Variants in CAMK4 observed in about 807,000 individuals in gnomAD.
CAMK4 encodes the protein calcium/calmodulin-dependent protein kinase type IV.
A neutral mutation model predicts 44.9 loss-of-function variants in CAMK4; 22 were observed. The observed-to-expected ratio is 0.49, with a 90% CI of 0.35 to 0.70. CAMK4 has a LOEUF of 0.70. CAMK4 is among the 30% of genes least tolerant of loss of function. CAMK4 has a pLI of 0.01. For synonymous variants in CAMK4, 218 were observed against 215.4 expected (o/e 1.01, Z -0.11); for missense variants, 498 against 586.8 (o/e 0.85, Z 1.56).
chr5:111,433,892 A>C (rs1381199275), intron 5 of CAMK4, among the ~76,000 whole-genome samples: 1 of 152,222 alleles, frequency 6.6e-6, no homozygotes, highest in Non-Finnish European at 1.5e-5. Flanking sequence ...GCTTATAGCT[A>C]GTGATTTCAA....
intron 1 of CAMK4, among the ~76,000 whole-genome samples, chr5:111,261,281 G>A (rs1361671746): frequency 2.6e-5 from 4 of 152,054 alleles, no homozygotes; most frequent in African/African-American, 7.3e-5. Flanking sequence ...AGCCTCTGTC[G>A]TCTTCCATCT....
At chr5:111,368,108 G>A (rs1251822029) in intron 2 of CAMK4, among the ~76,000 whole-genome samples, 1 of 151,966 alleles carries the variant, frequency 6.6e-6, no homozygotes, top group African/African-American at 2.4e-5. Flanking sequence ...TATATTTATT[G>A]TAAATTGTTA....
At chr5:111,411,768 T>C (rs1752640815) in intron 5 of CAMK4, among the ~76,000 whole-genome samples, 1 of 152,236 alleles carries the variant, frequency 6.6e-6, no homozygotes, top group Admixed American at 6.5e-5. Context: ...AATCCCTTTT[T>C]AATTAAGTTT....
chr5:111,274,013 G>A (rs1245177557), intron 1 of CAMK4, among the ~76,000 whole-genome samples: 1 of 151,886 alleles, frequency 6.6e-6, no homozygotes, highest in Non-Finnish European at 1.5e-5. Flanking sequence ...CATCTATGGA[G>A]TATGGCCACC....
intron 7 of CAMK4, among the ~76,000 whole-genome samples, chr5:111,470,668 T>C (rs191780451): frequency 1.3e-5 from 2 of 152,312 alleles, no homozygotes; most frequent in Admixed American, 1.3e-4. Context: ...AAGTGTTCCT[T>C]ATAGAAATTT....
At chr5:111,367,405 A>C (rs1199491843) in intron 2 of CAMK4, among the ~76,000 whole-genome samples, 1 of 151,966 alleles carries the variant, frequency 6.6e-6, no homozygotes, top group Non-Finnish European at 1.5e-5. Context: ...TACTGATACA[A>C]TGGCAATTAA....
At chr5:111,358,722 A>T (rs489931) in intron 2 of CAMK4, among the ~76,000 whole-genome samples, 1 of 151,872 alleles carries the variant, frequency 6.6e-6, no homozygotes, top group East Asian at 1.9e-4. Context: ...CTCTCCTCCC[A>T]CCCTTCACCT....
chr5:111,443,539 T>A (rs1442000161), intron 5 of CAMK4, among the ~76,000 whole-genome samples: 1 of 151,848 alleles, frequency 6.6e-6, no homozygotes, highest in Non-Finnish European at 1.5e-5. Context: ...AGTATTTTTC[T>A]CTAAACTTTC....
Position 111,336,891 on chromosome 5 carries a change from A to G in CAMK4, c.162-7133A>G, listed in dbSNP as rs80006647. 8.2e-3 allele frequency among the ~76,000 whole-genome samples: 1,239 copies of G among 151,216 alleles called. 20 individuals are homozygous for G. Among genetic ancestry groups the G allele is most frequent in the African/African-American group, 0.028 (1,172 of 41,412 alleles). On this transcript the variant is annotated intron_variant, in intron 1 of 10. Transcript: ENST00000282356. ...TAGAATGGGTTGAATGCTATAAGCCACATTTTGGTAATGTGGTTTTTAATA... is the reference window on the plus strand; with the variant it reads ...TAGAATGGGTTGAATGCTATAAGCCGCATTTTGGTAATGTGGTTTTTAATA...
At chr5:111,362,117 C>CAT (rs1303847508) in intron 2 of CAMK4, among the ~76,000 whole-genome samples, 1 of 151,996 alleles carries the variant, frequency 6.6e-6, no homozygotes, top group Non-Finnish European at 1.5e-5. Context: ...AAATTTCACA[C>CAT]ATACTCTTAT....
At chr5:111,480,288 A>ACACACACACACACACACACACACC (rs1364533152) in intron 9 of CAMK4, among the ~76,000 whole-genome samples, 2 of 145,116 alleles carry the variant, frequency 1.4e-5, no homozygotes, top group African/African-American at 5.2e-5. Flanking sequence ...ACACACACAC[A>ACACACACACACACACACACACACC]CCCCTGGGTA....
chr5:111,466,544 T>A (rs1047018784), intron 7 of CAMK4, among the ~76,000 whole-genome samples: 1 of 152,200 alleles, frequency 6.6e-6, no homozygotes, highest in African/African-American at 2.4e-5. Flanking sequence ...AGCTCTGCGA[T>A]ACACCAACAG....
intron 2 of CAMK4, among the ~76,000 whole-genome samples, chr5:111,365,521 TAA>T (rs67230832): frequency 0.93 from 140,984 of 152,050 alleles, 65,517 homozygotes; most frequent in East Asian, 1. Flanking sequence ...TAGGAATGTG[TAA>T]TAGTGAAAGG....
intron 7 of CAMK4, among the ~76,000 whole-genome samples, chr5:111,453,938 A>G (rs1310814324): frequency 6.6e-6 from 1 of 151,538 alleles, no homozygotes; most frequent in South Asian, 2.1e-4. Context: ...TGTGTAGGTC[A>G]GATGGATGAG....
intron 1 of CAMK4, among the ~76,000 whole-genome samples, chr5:111,327,369 T>C (rs894605691): frequency 1.4e-4 from 21 of 151,784 alleles, no homozygotes; most frequent in Non-Finnish European, 2.5e-4. Flanking sequence ...TAGTATTCCA[T>C]GGTGTATATG....
At chr5:111,373,426 A>G (rs1269054467) in intron 2 of CAMK4, among the ~76,000 whole-genome samples, 1 of 33,864 alleles carries the variant, frequency 3.0e-5, no homozygotes, top group Non-Finnish European at 7.0e-5. Context: ...ATAAATGTAA[A>G]ATATATTTAT....
rs1749696055 is a variant in CAMK4, at chr5:111,255,371, A to T, written c.161+30727A>T. 2.6e-5 allele frequency among the ~76,000 whole-genome samples: 4 copies of T among 152,188 alleles called. No homozygotes were observed. The South Asian group carries it at 8.3e-4, about 32-fold the overall frequency. On this transcript the variant is annotated intron_variant, in intron 1 of 10. Coordinates refer to ENST00000282356, the MANE Select transcript of CAMK4 (RefSeq NM_001744.6). The stretch of plus-strand genomic sequence containing the variant: ...TTACAAACAGAAAGTGTTTTCAGTG[A>T]TCTTTATGATAATCTGAGTGGGTTT...
chr5:111,329,244 A>G (rs1015471491), intron 1 of CAMK4, among the ~76,000 whole-genome samples: 3 of 151,970 alleles, frequency 2.0e-5, no homozygotes, highest in Admixed American at 1.3e-4. Context: ...AATAAGAGCT[A>G]TCTATGAGAA....
chr5:111,276,854 A>T (rs973666730), intron 1 of CAMK4, among the ~76,000 whole-genome samples: 7 of 152,200 alleles, frequency 4.6e-5, no homozygotes, highest in African/African-American at 1.4e-4. Context: ...AAAAATTTTT[A>T]AAAATATGAT....
Sources: gnomAD v4.1 joint callset for allele counts (sites outside exome capture counted in the v4.1 genomes callset) on GRCh38, gnomAD v4.1.1 for gene constraint, MANE v1.5 for transcripts, NCBI Gene and HGNC (gene_info 2026-07-23, HGNC 2026-07-21) for gene names.